Variants in LRRC37A2 observed in about 807,000 individuals in gnomAD.
LRRC37A2 encodes the protein leucine rich repeat containing 37 member A2.
Under a neutral mutation model 68.8 loss-of-function variants are expected in LRRC37A2, and 9 were observed. That is an observed-to-expected ratio of 0.13 (90% CI 0.08 to 0.23). The LOEUF is 0.23. Among genes scored for constraint, LRRC37A2 ranks in the 10% least tolerant of loss-of-function variants. The pLI is 1.00. For synonymous variants in LRRC37A2, 63 were observed against 367.6 expected, an observed-to-expected ratio of 0.17 and a Z score of 9.48; for missense variants, 168 against 950.4, an observed-to-expected ratio of 0.18 and a Z score of 10.82.
intron 6 of LRRC37A2, among the ~76,000 whole-genome samples, chr17:46,539,789 A>AAAAAAAAT (rs2054962885): frequency 6.8e-6 from 1 of 146,544 alleles, no homozygotes; most frequent in Admixed American, 6.8e-5. Context: ...AAAAAAAAAA[A>AAAAAAAAT]ATAGATGAAC....
the LRRC37A2 span, among the ~76,000 whole-genome samples, chr17:46,759,868 C>A: frequency 3.9e-5 from 6 of 152,158 alleles, no homozygotes; most frequent in Non-Finnish European, 8.8e-5. Flanking sequence ...TCGTCTCTTT[C>A]AGATTTTTAA....
chr17:47,002,322 C>T, the LRRC37A2 span, among the ~76,000 whole-genome samples: 1 of 152,042 alleles, frequency 6.6e-6, no homozygotes, highest in Non-Finnish European at 1.5e-5. Context: ...GGTATCCAGC[C>T]CCTCAAGCAT....
At chr17:46,710,203 T>A in the LRRC37A2 span, among the ~76,000 whole-genome samples, 2 of 152,246 alleles carry the variant, frequency 1.3e-5, no homozygotes, top group Admixed American at 6.5e-5. Flanking sequence ...TATGTTTTCC[T>A]ATTTATTCTG....
chr17:46,810,396 T>C, the LRRC37A2 span, among the ~76,000 whole-genome samples: 1 of 152,196 alleles, frequency 6.6e-6, no homozygotes, highest in African/African-American at 2.4e-5. Context: ...GAAGGAGTCC[T>C]CAGCTCCTTC....
At chr17:46,492,036 TCAC>T in the LRRC37A2 span, among the ~76,000 whole-genome samples, 1 of 150,366 alleles carries the variant, frequency 6.7e-6, no homozygotes, top group East Asian at 2.0e-4. Context: ...CGATCTCAGC[TCAC>T]CACAACCTCC....
chr17:46,946,293 A>AAG, the LRRC37A2 span, among the ~76,000 whole-genome samples: 1 of 64,620 alleles, frequency 1.5e-5, no homozygotes, highest in African/African-American at 4.0e-5. Context: ...AAAAAAAAAA[A>AAG]AAAAAAAAAG....
chr17:46,743,086 C>G, the LRRC37A2 span, among the ~76,000 whole-genome samples: 1 of 152,116 alleles, frequency 6.6e-6, no homozygotes, highest in Non-Finnish European at 1.5e-5. Flanking sequence ...TGCCATGACT[C>G]CTTCGGAGGG....
At chr17:46,750,555 C>T in the LRRC37A2 span, among the ~76,000 whole-genome samples, 1 of 152,158 alleles carries the variant, frequency 6.6e-6, no homozygotes, top group African/African-American at 2.4e-5. Flanking sequence ...ATTAGGGATA[C>T]TCAACCTGTA....
the LRRC37A2 span, among the ~76,000 whole-genome samples, chr17:46,816,123 A>ACACACACACGCACG: frequency 3.2e-4 from 47 of 148,070 alleles, no homozygotes; most frequent in South Asian, 6.5e-4. Flanking sequence ...ACACACACAC[A>ACACACACACGCACG]CACACACTCA....
At chr17:46,784,953 T>A in the LRRC37A2 span, among the ~76,000 whole-genome samples, 4 of 148,796 alleles carry the variant, frequency 2.7e-5, no homozygotes, top group Non-Finnish European at 6.1e-5. Flanking sequence ...TTTTTTTGTA[T>A]TTTTTAGTAG....
At chr17:46,499,193 T>C in the LRRC37A2 span, among the ~76,000 whole-genome samples, 581 of 142,960 alleles carry the variant, frequency 4.1e-3, 27 homozygotes, top group African/African-American at 0.015. Flanking sequence ...TGGGCTCCTG[T>C]AATCCCAGCT....
At chr17:46,741,345 C>T in the LRRC37A2 span, among the ~76,000 whole-genome samples, 1 of 152,008 alleles carries the variant, frequency 6.6e-6, no homozygotes, top group Non-Finnish European at 1.5e-5. Context: ...CTGCTTTTGC[C>T]TATAGTATTT....
At chr17:46,936,982 G>A in the LRRC37A2 span, 11 of 208,756 alleles carry the variant, frequency 5.3e-5, no homozygotes, top group Non-Finnish European at 8.3e-5. Context: ...AAAAAAAAAG[G>A]ATATGGGGCA....
At chr17:46,945,783 T>C in the LRRC37A2 span, among the ~76,000 whole-genome samples, 2 of 152,122 alleles carry the variant, frequency 1.3e-5, no homozygotes, top group Admixed American at 1.3e-4. Flanking sequence ...TGGGGACCTC[T>C]ATAGGAGGGG....
chr17:46,599,961 T>A, the LRRC37A2 span, among the ~76,000 whole-genome samples: 2 of 123,998 alleles, frequency 1.6e-5, no homozygotes, highest in Non-Finnish European at 3.2e-5. Flanking sequence ...TAGTTTTATT[T>A]AAAAATTTTT....
the LRRC37A2 span, among the ~76,000 whole-genome samples, chr17:46,957,267 T>G: frequency 6.6e-6 from 1 of 152,106 alleles, no homozygotes; most frequent in Non-Finnish European, 1.5e-5. Flanking sequence ...TTTACATCAC[T>G]GTACACCAGC....
chr17:46,945,558 T>C, the LRRC37A2 span, among the ~76,000 whole-genome samples: 1 of 152,166 alleles, frequency 6.6e-6, no homozygotes, highest in Non-Finnish European at 1.5e-5. Context: ...CAAAACAGAA[T>C]TGCATCTTTG....
At chr17:46,851,922 G>T in the LRRC37A2 span, among the ~76,000 whole-genome samples, 2 of 152,084 alleles carry the variant, frequency 1.3e-5, no homozygotes, top group East Asian at 3.9e-4. The surrounding 1 kb of genome is among the most constrained non-coding windows in gnomAD (Gnocchi z 4.3). Context: ...CGAATCCATC[G>T]CCCTGTTCAG....
the LRRC37A2 span, among the ~76,000 whole-genome samples, chr17:46,986,972 G>T: frequency 1.1e-4 from 17 of 152,240 alleles, no homozygotes; most frequent in African/African-American, 2.6e-4. Flanking sequence ...CAGGCCAGGG[G>T]GGGTGGCTCA....
Sources: gnomAD v4.1 joint callset for allele counts (sites outside exome capture counted in the v4.1 genomes callset) on GRCh38, gnomAD v4.1.1 for gene constraint, Gnocchi (gnomAD v3.1) non-coding constraint, MANE v1.5 for transcripts, NCBI Gene and HGNC (gene_info 2026-07-23, HGNC 2026-07-21) for gene names.